The following RBFOX1 variants were observed in gnomAD, a reference collection of about 807,000 sequenced individuals.
The protein encoded by RBFOX1 is RNA binding fox-1 homolog 1.
Under a neutral mutation model 57.7 loss-of-function variants are expected in RBFOX1, and 8 were observed. That is an observed-to-expected ratio of 0.14 (90% CI 0.08 to 0.25). The LOEUF is 0.25. RBFOX1 is among the 10% of genes least tolerant of loss of function. The probability of loss-of-function intolerance (pLI) is 1.00; values close to 1 mark genes in which losing one functional copy is unlikely to be tolerated. For missense variants in RBFOX1, 611 were observed against 548.5 expected (o/e 1.11, Z -1.14); for synonymous variants, 326 against 222.4 (o/e 1.47, Z -4.15).
chr16:6,622,908 C>G (rs988218390), intron 2 of RBFOX1, among the ~76,000 whole-genome samples: 9 of 152,324 alleles, frequency 5.9e-5, no homozygotes, highest in African/African-American at 1.4e-4. Flanking sequence ...ATAATGCCCC[C>G]TCAGAATGCT....
chr16:6,243,465 C>G (rs1027821405), intron 1 of RBFOX1, among the ~76,000 whole-genome samples: 1 of 152,062 alleles, frequency 6.6e-6, no homozygotes, highest in Admixed American at 6.6e-5. Flanking sequence ...TATGAGGAGA[C>G]CTGCTTTCCA....
intron 1 of RBFOX1, among the ~76,000 whole-genome samples, chr16:6,087,052 T>C (rs1427901228): frequency 1.3e-5 from 2 of 152,156 alleles, no homozygotes. Context: ...GTGAGACGGA[T>C]TGATATCCAC....
At chr16:5,744,442 A>G (rs1010206327) in intron 3 of RBFOX1, among the ~76,000 whole-genome samples, 2 of 152,102 alleles carry the variant, frequency 1.3e-5, no homozygotes, top group Non-Finnish European at 2.9e-5. Flanking sequence ...CCGCTTCCAA[A>G]TAGAAGGGCA....
intron 2 of RBFOX1, among the ~76,000 whole-genome samples, chr16:6,587,103 G>A (rs1190080978): frequency 6.6e-6 from 1 of 152,112 alleles, no homozygotes; most frequent in African/African-American, 2.4e-5. Context: ...TAGTCACCAT[G>A]ATGTACAACA....
At chr16:6,471,925 C>T (rs2095184246) in intron 2 of RBFOX1, among the ~76,000 whole-genome samples, 1 of 152,310 alleles carries the variant, frequency 6.6e-6, no homozygotes, top group African/African-American at 2.4e-5. Flanking sequence ...AAGCTTTCAG[C>T]AGCCAAGGCA....
At position 7,608,141 on chromosome 16, in the gene RBFOX1, C is replaced by T. The variant is rs1279430568; in HGVS notation, c.676+803C>T. Among the ~76,000 whole-genome samples the T allele has an allele frequency of 5.9e-5, 9 of 152,164 alleles. No homozygotes were observed. The South Asian group carries it at 1.2e-3, about 21-fold the overall frequency. ...TAAAAGAAGTCTTTCTTTGATGTGGCTCTTGCTTTTTAATAAGGAGAAATA... is the reference window on the plus strand; with the variant it reads ...TAAAAGAAGTCTTTCTTTGATGTGGTTCTTGCTTTTTAATAAGGAGAAATA... On this transcript the variant is annotated intron_variant, in intron 10 of 15. Transcript: ENST00000550418.
At chr16:7,105,317 A>G (rs56057558) in intron 4 of RBFOX1, among the ~76,000 whole-genome samples, 2,393 of 124,574 alleles carry the variant, frequency 0.019, 66 homozygotes, top group African/African-American at 0.07. Context: ...GGCTTCACCT[A>G]TTTTCTTTTT....
At chr16:5,999,972 C>G (rs976589721) in intron 4 of RBFOX1, among the ~76,000 whole-genome samples, 1 of 146,976 alleles carries the variant, frequency 6.8e-6, no homozygotes, top group Non-Finnish European at 1.5e-5. Context: ...TGTTACTGAG[C>G]GGACCACAGC....
intron 2 of RBFOX1, among the ~76,000 whole-genome samples, chr16:5,536,538 G>T (rs940874038): frequency 2.0e-5 from 3 of 152,054 alleles, no homozygotes; most frequent in African/African-American, 7.2e-5. Flanking sequence ...TCCTGGCCCT[G>T]TCTAGGTCTT....
At chr16:7,530,807 C>G (rs913390796) in intron 5 of RBFOX1, among the ~76,000 whole-genome samples, 31 of 152,212 alleles carry the variant, frequency 2.0e-4, no homozygotes, top group Admixed American at 7.2e-4. Context: ...TAACCAGACT[C>G]TCAAGAGACA....
rs562844525 is a variant in RBFOX1 at position 6,132,028 on chromosome 16, A to G, written c.-127+112036A>G. 3.3e-4 allele frequency among the ~76,000 whole-genome samples: 51 copies of G among 152,358 alleles called. 1 individual carries two copies. The highest frequency in any genetic ancestry group is 3.4e-3 in the Middle Eastern group (1 of 294). ...TAGCTTTTAGGAGCATATATTGTTT[A>G]GTATGATTATTTTATTTTGCCAAAT... On this transcript the variant is annotated intron_variant, in intron 1 of 15. Transcript: ENST00000550418.
At chr16:7,384,040 T>G (rs1235349929) in intron 4 of RBFOX1, among the ~76,000 whole-genome samples, 2 of 142,978 alleles carry the variant, frequency 1.4e-5, no homozygotes, top group Admixed American at 7.1e-5. Flanking sequence ...GGCAACAGAG[T>G]GAGACTCCAT....
At chr16:5,714,064 A>G (rs1480060599) in intron 3 of RBFOX1, among the ~76,000 whole-genome samples, 2 of 152,202 alleles carry the variant, frequency 1.3e-5, no homozygotes, top group African/African-American at 2.4e-5. Flanking sequence ...TGCACTCCAT[A>G]AATTAGGAGC....
intron 2 of RBFOX1, among the ~76,000 whole-genome samples, chr16:6,627,669 G>C (rs1044522971): frequency 6.6e-6 from 1 of 152,134 alleles, no homozygotes; most frequent in East Asian, 1.9e-4. Context: ...TAACTTTCCA[G>C]AAAAATGAGC....
At chr16:7,602,618 A>C (rs1371105462) in intron 9 of RBFOX1, among the ~76,000 whole-genome samples, 1 of 152,146 alleles carries the variant, frequency 6.6e-6, no homozygotes, top group Non-Finnish European at 1.5e-5. Context: ...TACGAGGAGG[A>C]GTCACAGGGA....
intron 2 of RBFOX1, among the ~76,000 whole-genome samples, chr16:5,532,502 AG>A (rs1437456816): frequency 3.9e-5 from 6 of 152,180 alleles, no homozygotes; most frequent in African/African-American, 1.4e-4. Flanking sequence ...TTAAAGTTTA[AG>A]GGGCTGGGCT....
chr16:6,731,811 C>A (rs948811698), intron 3 of RBFOX1, among the ~76,000 whole-genome samples: 3 of 152,140 alleles, frequency 2.0e-5, no homozygotes, highest in African/African-American at 7.2e-5. Flanking sequence ...CTGTTTCCTA[C>A]CTTCCAAAAT....
At chr16:5,780,270 C>T (rs1268230967) in intron 3 of RBFOX1, among the ~76,000 whole-genome samples, 3 of 152,160 alleles carry the variant, frequency 2.0e-5, no homozygotes, top group East Asian at 1.9e-4. Context: ...CCAAAGTGTT[C>T]GGATTACAGG....
At chr16:6,891,413 G>T (rs2065382599) in intron 3 of RBFOX1, among the ~76,000 whole-genome samples, 1 of 152,064 alleles carries the variant, frequency 6.6e-6, no homozygotes, top group South Asian at 2.1e-4. Context: ...AAACCCGTTT[G>T]CCTTTTCTAC....
Sources: allele counts gnomAD v4.1 joint callset (sites outside exome capture counted in the v4.1 genomes callset), GRCh38; gene constraint gnomAD v4.1.1; transcripts MANE v1.5; gene names NCBI Gene and HGNC (gene_info 2026-07-23, HGNC 2026-07-21).